The following RBFOX1 variants were observed in gnomAD, a reference collection of about 807,000 sequenced individuals.
RBFOX1 encodes the protein RNA binding fox-1 homolog 1, also known as RNA binding protein fox-1 homolog 1.
RBFOX1 carries 8 observed loss-of-function variants against 57.7 expected under a neutral mutation model. That is an observed-to-expected ratio of 0.14 (90% CI 0.08 to 0.25). The LOEUF is 0.25. Among genes scored for constraint, RBFOX1 ranks in the 10% least tolerant of loss-of-function variants. The pLI, the probability that RBFOX1 is intolerant of heterozygous loss-of-function variation, is 1.00. For missense variants in RBFOX1, 611 were observed against 548.5 expected, an observed-to-expected ratio of 1.11 and a Z score of -1.14; for synonymous variants, 326 against 222.4, an observed-to-expected ratio of 1.47 and a Z score of -4.15.
intron 4 of RBFOX1, among the ~76,000 whole-genome samples, chr16:7,403,832 C>T (rs2098285969): frequency 6.6e-6 from 1 of 151,878 alleles, no homozygotes; most frequent in African/African-American, 2.4e-5. Context: ...AGGCGTGAGC[C>T]ACCATGCCGG....
intron 4 of RBFOX1, among the ~76,000 whole-genome samples, chr16:7,515,808 T>C (rs539923362): frequency 1.4e-4 from 22 of 152,144 alleles, no homozygotes; most frequent in African/African-American, 5.3e-4. Flanking sequence ...GCCTCACGTG[T>C]AGGGAGGTCC....
intron 11 of RBFOX1, among the ~76,000 whole-genome samples, chr16:7,649,460 A>T (rs959979620): frequency 2.0e-5 from 3 of 152,212 alleles, no homozygotes; most frequent in African/African-American, 7.2e-5. Flanking sequence ...AACTTTCTGG[A>T]AATGTAGTCC....
At chr16:6,403,288 C>T (rs528931272) in intron 2 of RBFOX1, among the ~76,000 whole-genome samples, 56 of 152,164 alleles carry the variant, frequency 3.7e-4, no homozygotes, top group Non-Finnish European at 7.5e-4. Context: ...CTGTCTAAAC[C>T]AGACCTGCCA....
At position 7,145,279 on chromosome 16, in the gene RBFOX1, A is replaced by G. The variant is rs189660359; in HGVS notation, c.27+93181A>G. Among the ~76,000 whole-genome samples the G allele has an allele frequency of 2.4e-4, 36 of 152,214 alleles. No homozygotes were observed. The East Asian group carries it at 5.6e-3, about 24-fold the overall frequency. On this transcript the variant is annotated intron_variant, in intron 4 of 15. Coordinates refer to ENST00000550418, the MANE Select transcript of RBFOX1 (RefSeq NM_018723.4). ...GAGTGCAGTGGCGCAGTCTCAGTTC[A>G]CTGCAGCCTCAACTTCCCGGGTACA...
chr16:5,272,810 T>C (rs1235059001), intron 1 of RBFOX1, among the ~76,000 whole-genome samples: 3 of 152,172 alleles, frequency 2.0e-5, no homozygotes, highest in Non-Finnish European at 4.4e-5. Flanking sequence ...CTGGTTCCTT[T>C]ATTTTGCAGA....
At chr16:7,498,823 A>G (rs1298475640) in intron 4 of RBFOX1, among the ~76,000 whole-genome samples, 1 of 152,192 alleles carries the variant, frequency 6.6e-6, no homozygotes, top group Non-Finnish European at 1.5e-5. Context: ...GACTAGGATT[A>G]CAATATCTGC....
intron 2 of RBFOX1, among the ~76,000 whole-genome samples, chr16:5,542,294 GC>G (rs1485362486): frequency 2.0e-5 from 3 of 149,366 alleles, no homozygotes; most frequent in Admixed American, 1.3e-4. Flanking sequence ...TGTCACCAAG[GC>G]TGGAGTGCAG....
intron 3 of RBFOX1, among the ~76,000 whole-genome samples, chr16:6,995,529 C>G (rs572720534): frequency 6.6e-6 from 1 of 151,994 alleles, no homozygotes; most frequent in Admixed American, 6.6e-5. Context: ...CTTTGGGAGG[C>G]CAAGGAGGGT....
At chr16:5,808,174 G>T (rs1010439428) in intron 3 of RBFOX1, among the ~76,000 whole-genome samples, 1 of 152,196 alleles carries the variant, frequency 6.6e-6, no homozygotes, top group African/African-American at 2.4e-5. Context: ...AGGCCGTTAG[G>T]ATGGGCCTTA....
chr16:7,698,359 G>A (rs767669744), intron 14 of RBFOX1, among the ~76,000 whole-genome samples: 6 of 151,996 alleles, frequency 3.9e-5, no homozygotes, highest in African/African-American at 7.3e-5. Context: ...ACAACCATGT[G>A]GGGTGAGGGT....
At chr16:5,649,641 T>C (rs185455157) in intron 3 of RBFOX1, among the ~76,000 whole-genome samples, 1 of 152,220 alleles carries the variant, frequency 6.6e-6, no homozygotes, top group Non-Finnish European at 1.5e-5. Context: ...GTCATGAATT[T>C]ATTTTTATCT....
chr16:7,079,117 A>G (rs1409548207), intron 4 of RBFOX1, among the ~76,000 whole-genome samples: 1 of 152,004 alleles, frequency 6.6e-6, no homozygotes, highest in Non-Finnish European at 1.5e-5. Context: ...TACCATTCTC[A>G]ATCAGCAGGA....
At chr16:6,919,016 A>C (rs1488932997) in intron 3 of RBFOX1, among the ~76,000 whole-genome samples, 2 of 152,100 alleles carry the variant, frequency 1.3e-5, no homozygotes, top group South Asian at 4.1e-4. Flanking sequence ...AGTGTTGCTC[A>C]TTCATCCAGG....
At chr16:6,622,852 GT>G (rs1567926286) in intron 2 of RBFOX1, among the ~76,000 whole-genome samples, 1 of 152,166 alleles carries the variant, frequency 6.6e-6, no homozygotes, top group Non-Finnish European at 1.5e-5. Flanking sequence ...GTGAAATTTA[GT>G]TTTTGTTGTT....
chr16:7,389,906 C>T (rs1211936424), intron 4 of RBFOX1, among the ~76,000 whole-genome samples: 1 of 152,100 alleles, frequency 6.6e-6, no homozygotes, highest in African/African-American at 2.4e-5. Context: ...GTAGTCCATT[C>T]TCATACTGTT....
chr16:7,198,198 G>A (rs959980952), intron 4 of RBFOX1, among the ~76,000 whole-genome samples: 1 of 151,698 alleles, frequency 6.6e-6, no homozygotes, highest in African/African-American at 2.4e-5. Flanking sequence ...GTAGAGACGG[G>A]GTTTCACCGT....
intron 4 of RBFOX1, among the ~76,000 whole-genome samples, chr16:7,459,220 A>G (rs1408719144): frequency 1.3e-5 from 2 of 152,120 alleles, no homozygotes; most frequent in Non-Finnish European, 1.5e-5. Context: ...TTGGGTTTTA[A>G]CATCAGTAGT....
chr16:5,247,623 C>T (rs933320972), intron 1 of RBFOX1, among the ~76,000 whole-genome samples: 4 of 152,238 alleles, frequency 2.6e-5, no homozygotes, highest in Non-Finnish European at 2.9e-5. Flanking sequence ...TATTGGAACA[C>T]AGCCACACCT....
intron 1 of RBFOX1, among the ~76,000 whole-genome samples, chr16:5,384,505 A>G (rs1161922703): frequency 6.6e-6 from 1 of 152,216 alleles, no homozygotes; most frequent in Non-Finnish European, 1.5e-5. Flanking sequence ...GGAGTTTACC[A>G]GAGAGAGCAA....
Sources: gnomAD v4.1 joint callset for allele counts (sites outside exome capture counted in the v4.1 genomes callset) on GRCh38, gnomAD v4.1.1 for gene constraint, MANE v1.5 for transcripts, NCBI Gene and HGNC (gene_info 2026-07-23, HGNC 2026-07-21) for gene names.